Variants in CKAP5 observed in about 807,000 individuals in gnomAD.
CKAP5 encodes the protein cytoskeleton-associated protein 5.
Under a neutral mutation model 232.8 loss-of-function variants are expected in CKAP5, and 27 were observed. The observed-to-expected ratio is 0.12, with a 90% CI of 0.09 to 0.16. The LOEUF (loss-of-function observed/expected upper bound fraction) is 0.16. Ranked by LOEUF, CKAP5 falls within the 10% of genes least tolerant of loss-of-function variation. CKAP5 has a pLI of 1.00. For missense variants in CKAP5, 1,838 were observed against 2,424.7 expected (o/e 0.76, Z 5.08); for synonymous variants, 785 against 841.1 (o/e 0.93, Z 1.16).
Position 46,763,641 on chromosome 11 carries a change from C to CAA in CKAP5, c.3538-13_3538-12dup, listed in dbSNP as rs771272485. 23 of 1,524,542 alleles carry CAA rather than the reference C, an allele frequency of 1.5e-5. No individual in the cohort carries two copies. Among genetic ancestry groups the CAA allele is most frequent in the Non-Finnish European group, 1.8e-5 (20 of 1,135,236 alleles). The allele number at this position is 1,524,542 out of a possible 1,614,324, so 94.4% of individuals were successfully genotyped here. ...ATTCCACTTTAGCACCTGGAAAAAA[C>CAA]AAACGGTGAAAAGGGGCTACAGGGT... is the stretch of plus-strand genomic sequence containing the variant. On this transcript the variant is annotated splice_polypyrimidine_tract_variant and intron_variant, in intron 28 of 43. Coordinates refer to ENST00000529230, the MANE Select transcript of CKAP5 (RefSeq NM_001008938.4).
chr11:46,797,227 C>G (rs189503527), intron 11 of CKAP5, among the ~76,000 whole-genome samples: 1 of 151,962 alleles, frequency 6.6e-6, no homozygotes, highest in Non-Finnish European at 1.5e-5. Flanking sequence ...ACTAGCCGGG[C>G]GTGGTGGCAC....
chr11:46,820,492 A>T (rs1336428682), intron 2 of CKAP5: 1 of 152,178 alleles, frequency 6.6e-6, no homozygotes, highest in East Asian at 1.9e-4. Flanking sequence ...ATTCAAAACA[A>T]ACTTTAAAAG....
intron 35 of CKAP5, among the ~76,000 whole-genome samples, chr11:46,756,754 A>ATTT (rs59822318): frequency 7.8e-6 from 1 of 128,086 alleles, no homozygotes; most frequent in Non-Finnish European, 1.6e-5. Flanking sequence ...TGGACCTTGA[A>ATTT]TTTTTTTTTT....
At chr11:46,802,395 T>TAAC (rs904440799) in intron 8 of CKAP5, 1 of 152,074 alleles carries the variant, frequency 6.6e-6, no homozygotes, top group Non-Finnish European at 1.5e-5. Flanking sequence ...TATTATATAA[T>TAAC]AATACAGGCA....
Position 46,767,698 on chromosome 11 carries a change from TTAAC to T in CKAP5, c.3323-39_3323-36del, listed in dbSNP as rs765986756. 1.3e-4 allele frequency: 170 copies of T among 1,282,136 alleles called. 1 individual carries two copies. In the African/African-American group the frequency reaches 1.6e-3, roughly 12 times the overall value. 79.4% of individuals were successfully genotyped at this position (1,282,136 alleles called of 1,614,324 possible). On this transcript the variant is annotated intron_variant, in intron 26 of 43. Transcript: ENST00000529230. ...AAAAAATATATATATACTATAAACT[TTAAC>T]TAATATCATTTTATTTTGGACAGGT...
chr11:46,791,185 A>C (rs1316503315), intron 13 of CKAP5, among the ~76,000 whole-genome samples: 1 of 151,954 alleles, frequency 6.6e-6, no homozygotes, highest in East Asian at 1.9e-4. Flanking sequence ...ATTATACTAC[A>C]TTTACAAATT....
intron 24 of CKAP5, 42 bp downstream of exon 24, chr11:46,776,213 A>C: frequency 1.3e-6 from 2 of 1,588,358 alleles, no homozygotes; most frequent in Non-Finnish European, 1.7e-6. Context: ...CTATGGAAGT[A>C]AATGACATGA....
intron 37 of CKAP5, 113 bp downstream of exon 37, chr11:46,753,197 G>C: frequency 1.3e-6 from 1 of 782,322 alleles, no homozygotes; most frequent in Non-Finnish European, 2.1e-6. Flanking sequence ...TGCCTAGGAA[G>C]TTGATTATGA....
At chr11:46,808,692 C>T (rs1008046201) in intron 7 of CKAP5, among the ~76,000 whole-genome samples, 6 of 152,168 alleles carry the variant, frequency 3.9e-5, no homozygotes, top group Non-Finnish European at 4.4e-5. Flanking sequence ...ATAGACGTTT[C>T]ATTCTCATTT....
intron 4 of CKAP5, among the ~76,000 whole-genome samples, chr11:46,813,681 T>A (rs1048344065): frequency 5.3e-5 from 8 of 151,994 alleles, no homozygotes; most frequent in Non-Finnish European, 1.0e-4. Context: ...TTAGGACAAA[T>A]AAAGAACCAC....
intron 24 of CKAP5, among the ~76,000 whole-genome samples, chr11:46,771,235 TA>T (rs2065245296): frequency 6.6e-6 from 1 of 152,242 alleles, no homozygotes; most frequent in Non-Finnish European, 1.5e-5. Context: ...TATAAAGCTT[TA>T]ATACATCTTA....
intron 27 of CKAP5, among the ~76,000 whole-genome samples, chr11:46,765,475 T>C (rs1450716239): frequency 6.6e-6 from 1 of 152,234 alleles, no homozygotes; most frequent in Non-Finnish European, 1.5e-5. Context: ...GGTTAGTTCT[T>C]GGACTGGCAT....
chr11:46,759,562 C>G (rs184942063), intron 33 of CKAP5, 120 bp from the exon 34 acceptor site: 8 of 989,224 alleles, frequency 8.1e-6, no homozygotes, highest in Admixed American at 3.0e-5. Flanking sequence ...TTTCAGCCCC[C>G]CTGAATGATT....
At chr11:46,747,765 A>G (rs946241775) in intron 42 of CKAP5, among the ~76,000 whole-genome samples, 31 of 152,128 alleles carry the variant, frequency 2.0e-4, no homozygotes, top group African/African-American at 7.2e-4. Flanking sequence ...TGTTCCAGAA[A>G]CAACCAGGGG....
intron 43 of CKAP5, 45 bp from the exon 44 acceptor site, chr11:46,744,310 G>C: frequency 6.2e-7 from 1 of 1,612,878 alleles, no homozygotes; most frequent in Non-Finnish European, 8.5e-7. Flanking sequence ...GGTCAAGCAG[G>C]TCAAGATGCA....
intron 35 of CKAP5, 62 bp from the exon 36 acceptor site, chr11:46,755,129 A>C (rs1439733419): frequency 3.3e-6 from 4 of 1,220,996 alleles, no homozygotes; most frequent in Non-Finnish European, 4.5e-6. Flanking sequence ...AGCGGAAGAC[A>C]CTATATGAAA....
Position 46,754,954 on chromosome 11 carries a change from T to G in CKAP5, c.4803A>C (p.Ala1601=). The G allele has an allele frequency of 6.2e-7, 1 of 1,614,020 alleles. No homozygotes were observed. ...TCTCGTCCTTCTCCAATTTCTCATC[T>G]GCCATGTGTGTGTTGTAGATGAGTC... ...QLRLIYNTHM[A]DEKLEKDEII... is the part of the protein sequence containing the mutation. The change falls in exon 36 of 44, where the codon GCA becomes GCC. Residue 1601 remains alanine (A), a synonymous_variant. Transcript: ENST00000529230.
At chr11:46,813,493 T>C (rs1939322054) in intron 4 of CKAP5, among the ~76,000 whole-genome samples, 1 of 152,200 alleles carries the variant, frequency 6.6e-6, no homozygotes, top group Admixed American at 6.5e-5. Flanking sequence ...CGTATTACTA[T>C]AGAAAACACA....
chr11:46,799,777 T>C (rs549081403), intron 9 of CKAP5, among the ~76,000 whole-genome samples: 2 of 152,348 alleles, frequency 1.3e-5, no homozygotes, highest in East Asian at 3.9e-4. Flanking sequence ...GGCAGGCAGA[T>C]AGCTTGAGCT....
Sources: allele counts gnomAD v4.1 joint callset (sites outside exome capture counted in the v4.1 genomes callset), GRCh38; gene constraint gnomAD v4.1.1; transcripts MANE v1.5; gene names NCBI Gene and HGNC (gene_info 2026-07-23, HGNC 2026-07-21).